ACSS3: variants seen among roughly 807,000 people sequenced by gnomAD.
ACSS3 encodes acyl-CoA synthetase short-chain family member 3, mitochondrial.
ACSS3 carries 64 observed loss-of-function variants against 84.2 expected under a neutral mutation model. The ratio of observed to expected loss-of-function variants is 0.76; its 90% CI spans 0.62 to 0.94. The LOEUF (loss-of-function observed/expected upper bound fraction) is 0.94. ACSS3 is among the 40% of genes least tolerant of loss of function. The pLI, the probability that ACSS3 is intolerant of heterozygous loss-of-function variation, is 0.00. For synonymous variants in ACSS3, 317 were observed against 310.1 expected, an observed-to-expected ratio of 1.02 and a Z score of -0.23; for missense variants, 815 against 867.6, an observed-to-expected ratio of 0.94 and a Z score of 0.76.
At chr12:81,252,189 A>G (rs796696062) in intron 13 of ACSS3, among the ~76,000 whole-genome samples, 2 of 152,234 alleles carry the variant, frequency 1.3e-5, no homozygotes, top group African/African-American at 4.8e-5. Flanking sequence ...TTTGAGGCCC[A>G]TATCTTTCTG....
intron 11 of ACSS3, among the ~76,000 whole-genome samples, chr12:81,225,050 T>G (rs995853296): frequency 2.6e-5 from 4 of 151,928 alleles, no homozygotes; most frequent in African/African-American, 9.7e-5. Flanking sequence ...TAGCTATGTA[T>G]GTATAGGAAA....
chr12:81,218,074 A>G (rs2032985288), intron 10 of ACSS3, among the ~76,000 whole-genome samples: 1 of 152,252 alleles, frequency 6.6e-6, no homozygotes, highest in South Asian at 2.1e-4. Context: ...CCTTATTTCT[A>G]AATAAGAGTA....
At chr12:81,093,574 T>G (rs1881816582) in intron 1 of ACSS3, among the ~76,000 whole-genome samples, 1 of 151,674 alleles carries the variant, frequency 6.6e-6, no homozygotes, top group African/African-American at 2.4e-5. Flanking sequence ...AAGTCAAATA[T>G]CTTGCTATAT....
intron 8 of ACSS3, among the ~76,000 whole-genome samples, chr12:81,178,904 G>A (rs1413675215): frequency 6.6e-6 from 1 of 152,086 alleles, no homozygotes; most frequent in Non-Finnish European, 1.5e-5. Context: ...TATATTACAA[G>A]GCTACATTAA....
intron 9 of ACSS3, among the ~76,000 whole-genome samples, chr12:81,201,141 G>T (rs2032087405): frequency 6.6e-6 from 1 of 152,088 alleles, no homozygotes; most frequent in South Asian, 2.1e-4. Context: ...GCTATGTGTA[G>T]AAATACATAG....
At position 81,258,585 on chromosome 12, in the gene ACSS3, T is replaced by A. The variant is rs1424464898; in HGVS notation, c.*3663T>A. Reference sequence around the variant, plus strand: ...TACTCTTCTATACTTTTATACACTATATATGTTAATCATTCTGTCTTTCAT... The same window carrying A: ...TACTCTTCTATACTTTTATACACTAAATATGTTAATCATTCTGTCTTTCAT... On this transcript the variant is annotated 3_prime_UTR_variant, in exon 16 of 16. Transcript: ENST00000548058. 1 of 152,180 alleles carries A rather than the reference T, an allele frequency of 6.6e-6. No individual in the cohort carries two copies. The highest frequency in any genetic ancestry group is 1.5e-5 in the Non-Finnish European group (1 of 68,032). 9.4% of individuals were successfully genotyped at this position (152,180 alleles called of 1,614,324 possible). A position where few individuals can be genotyped will look rare whatever the true frequency, so the allele number is the denominator to read the frequency against.
Position 81,178,599 on chromosome 12 carries a change from AAT to A in ACSS3, c.1250+3661_1250+3662del, listed in dbSNP as rs1370272129. 2.0e-5 allele frequency among the ~76,000 whole-genome samples: 3 copies of A among 152,172 alleles called. No individual in the cohort carries two copies. In the East Asian group the frequency reaches 5.8e-4, roughly 29 times the overall value. On this transcript the variant is annotated intron_variant, in intron 8 of 15. Transcript: ENST00000548058. ...GGAATACACCTACAGGTAGGTGAAA[AAT>A]CTCTACAATTGGAATTACAGAACAC...
At chr12:81,233,543 G>T (rs1278558696) in intron 13 of ACSS3, 72 bp downstream of exon 13, 8 of 1,547,968 alleles carry the variant, frequency 5.2e-6, no homozygotes, top group Non-Finnish European at 6.1e-6. Flanking sequence ...CAATATTGAG[G>T]TTATTTCACT....
chr12:81,095,240 G>C (rs1881960131), intron 1 of ACSS3, among the ~76,000 whole-genome samples: 3 of 152,114 alleles, frequency 2.0e-5, no homozygotes, highest in African/African-American at 7.2e-5. Context: ...GTTGACTGGG[G>C]ACCACTGTTC....
intron 1 of ACSS3, among the ~76,000 whole-genome samples, chr12:81,105,787 G>A (rs900924428): frequency 1.3e-5 from 2 of 152,186 alleles, no homozygotes; most frequent in Admixed American, 1.3e-4. Context: ...TTTTTAAAGA[G>A]TCTCTGCATT....
intron 5 of ACSS3, among the ~76,000 whole-genome samples, chr12:81,145,169 G>A (rs1371851008): frequency 6.7e-6 from 1 of 150,188 alleles, no homozygotes; most frequent in Non-Finnish European, 1.5e-5. Flanking sequence ...ACCCGCCTCG[G>A]CCTCCCAAAG....
intron 9 of ACSS3, among the ~76,000 whole-genome samples, chr12:81,207,956 A>G (rs1300538837): frequency 6.6e-6 from 1 of 152,138 alleles, no homozygotes; most frequent in Non-Finnish European, 1.5e-5. Flanking sequence ...TCTTCTTCCT[A>G]TACAAAGAAG....
At chr12:81,187,150 CAACA>C (rs2031309342) in intron 8 of ACSS3, among the ~76,000 whole-genome samples, 1 of 87,048 alleles carries the variant, frequency 1.1e-5, no homozygotes, top group Non-Finnish European at 3.0e-5. Context: ...TTTAAAACAA[CAACA>C]AAAAAAAATC....
intron 1 of ACSS3, among the ~76,000 whole-genome samples, chr12:81,079,438 GT>G (rs1714083916): frequency 6.6e-6 from 1 of 152,118 alleles, no homozygotes; most frequent in Admixed American, 6.5e-5. Flanking sequence ...GAATGATATG[GT>G]CAGGTTTGCA....
chr12:81,160,626 A>T (rs1411807031), intron 7 of ACSS3, among the ~76,000 whole-genome samples: 1 of 152,216 alleles, frequency 6.6e-6, no homozygotes, highest in Non-Finnish European at 1.5e-5. Flanking sequence ...CACTTTTGTG[A>T]ATCTTCTTCA....
chr12:81,101,584 A>G (rs182409744), intron 1 of ACSS3, among the ~76,000 whole-genome samples: 4 of 152,266 alleles, frequency 2.6e-5, no homozygotes, highest in Admixed American at 2.6e-4. Flanking sequence ...ATATTGATAT[A>G]TGTATATATC....
At chr12:81,195,977 C>A (rs2031807195) in intron 8 of ACSS3, among the ~76,000 whole-genome samples, 1 of 151,934 alleles carries the variant, frequency 6.6e-6, no homozygotes, top group Admixed American at 6.6e-5. Context: ...TATAACGATG[C>A]CTAATTATTA....
intron 1 of ACSS3, among the ~76,000 whole-genome samples, chr12:81,094,157 C>CT (rs1881862027): frequency 7.6e-6 from 1 of 131,586 alleles, no homozygotes; most frequent in Admixed American, 7.7e-5. Flanking sequence ...ATTTTTTTTT[C>CT]CTCTCTCTCT....
chr12:81,200,879 G>A (rs1386821254), intron 9 of ACSS3, among the ~76,000 whole-genome samples: 1 of 126,882 alleles, frequency 7.9e-6, no homozygotes, highest in East Asian at 2.2e-4. Flanking sequence ...GGGCAACAGA[G>A]CAAGACTGTC....
Sources: gnomAD v4.1 joint callset for allele counts (sites outside exome capture counted in the v4.1 genomes callset) on GRCh38, gnomAD v4.1.1 for gene constraint, MANE v1.5 for transcripts, NCBI Gene and HGNC (gene_info 2026-07-23, HGNC 2026-07-21) for gene names.